ZNF254: variants seen among roughly 807,000 people sequenced by gnomAD.
The protein encoded by ZNF254 is zinc finger protein 254.
In ZNF254, 10 loss-of-function variants were observed where a neutral mutation model predicts 12.4. That is an observed-to-expected ratio of 0.80 (90% CI 0.50 to 1.36). ZNF254 has a LOEUF of 1.36. Among genes scored for constraint, ZNF254 ranks in the 40% most tolerant of loss-of-function variants. ZNF254 has a pLI of 0.00. For missense variants in ZNF254, 996 were observed against 763.9 expected (o/e 1.30, Z -3.58); for synonymous variants, 305 against 253.4 (o/e 1.20, Z -1.93).
intron 2 of ZNF254, among the ~76,000 whole-genome samples, chr19:24,056,551 C>A (rs544965795): frequency 1.3e-5 from 2 of 152,256 alleles, no homozygotes; most frequent in South Asian, 4.1e-4. Flanking sequence ...TATTGCTGGG[C>A]CCAGCAACAT....
upstream of ZNF254, among the ~76,000 whole-genome samples, chr19:24,085,787 G>A (rs1972017320): frequency 6.6e-6 from 1 of 151,304 alleles, no homozygotes; most frequent in Non-Finnish European, 1.5e-5. Context: ...AAAAAACAGT[G>A]TATAAACAAA....
intron 1 of ZNF254, chr19:24,098,392 A>G (rs1972795859): frequency 6.6e-6 from 1 of 152,234 alleles, no homozygotes; most frequent in South Asian, 2.1e-4. Flanking sequence ...CATATATTCC[A>G]TTATATTATC....
At chr19:24,106,334 C>A in intron 2 of ZNF254, 1 of 531,470 alleles carries the variant, frequency 1.9e-6, no homozygotes. Context: ...ATCCATTTGG[C>A]ATCACCAATT....
At chr19:24,034,305 C>T (rs1385750004) in intron 1 of ZNF254, among the ~76,000 whole-genome samples, 7 of 152,012 alleles carry the variant, frequency 4.6e-5, no homozygotes, top group African/African-American at 7.2e-5. Context: ...TCACAATAGC[C>T]ATGGACAGAA....
chr19:24,088,006 C>G (rs1203966223), intron 1 of ZNF254, among the ~76,000 whole-genome samples: 1 of 147,288 alleles, frequency 6.8e-6, no homozygotes, highest in African/African-American at 2.5e-5. Flanking sequence ...ACCTCCGCCT[C>G]TTGGGTTCAA....
chr19:24,127,222 T>C lies in ZNF254; in HGVS notation c.1222T>C (p.Cys408Arg), dbSNP rs1481049821. The C allele has an allele frequency of 2.5e-6, 4 of 1,613,116 alleles. No individual in the cohort carries two copies. Among genetic ancestry groups the C allele is most frequent in the Non-Finnish European group, 3.4e-6 (4 of 1,179,616 alleles). Residue 408 changes from cysteine to arginine, a missense_variant, in exon 4 of 4, where the codon TGT becomes CGT. By Grantham distance (180) the Cys-to-Arg change is radical. Transcript: ENST00000357002. ...TCATGTTGGAGAGAAACTCTACAAATGTGAAGAATGCGGCAAAGGTTTTAA... is the reference window on the plus strand; with the variant it reads ...TCATGTTGGAGAGAAACTCTACAAACGTGAAGAATGCGGCAAAGGTTTTAA... ...IIHVGEKLYK[C>R]EECGKGFNRS...
intron 3 of ZNF254, among the ~76,000 whole-genome samples, chr19:24,119,546 G>T (rs1033336967): frequency 6.6e-6 from 1 of 152,076 alleles, no homozygotes; most frequent in African/African-American, 2.4e-5. Flanking sequence ...CTGGTTTGCA[G>T]TGTTGTGATC....
chr19:24,054,067 G>A (rs1257324000), intron 2 of ZNF254, among the ~76,000 whole-genome samples: 1 of 151,848 alleles, frequency 6.6e-6, no homozygotes, highest in Non-Finnish European at 1.5e-5. Context: ...CATATCCCTG[G>A]AACCAGACAC....
intron 1 of ZNF254, among the ~76,000 whole-genome samples, chr19:24,040,174 C>T (rs1466060528): frequency 2.0e-5 from 3 of 152,140 alleles, no homozygotes; most frequent in African/African-American, 7.2e-5. Context: ...ACCCTGAAAT[C>T]TCCCCTCACA....
At chr19:24,121,306 G>A (rs73021445) in intron 3 of ZNF254, among the ~76,000 whole-genome samples, 22,803 of 151,568 alleles carry the variant, frequency 0.15, 1,755 homozygotes, top group Middle Eastern at 0.17. Flanking sequence ...ACTTGATGGT[G>A]TCTAATAAGT....
At chr19:24,051,686 C>T (rs1465235086) in intron 2 of ZNF254, among the ~76,000 whole-genome samples, 6 of 152,184 alleles carry the variant, frequency 3.9e-5, no homozygotes, top group African/African-American at 1.4e-4. Context: ...ATGCAACTCT[C>T]CTGCATGGGC....
chr19:24,127,886 C>A lies in ZNF254; in HGVS notation c.1886C>A (p.Pro629His). ...AAGAGAATTCATACTGGAGAGCAAC[C>A]CTACAAATGGGAAAAATTTGGCAAA... Reference protein sequence around the residue: ...KHKRIHTGEQPYKWEKFGKAF... With the variant: ...KHKRIHTGEQHYKWEKFGKAF... The change falls in exon 4 of 4, where the codon CCC (proline) becomes CAC (histidine). Residue 629 changes from proline to histidine, a missense_variant. Physicochemically the swap from Pro to His is moderately conservative, Grantham distance 77 (BLOSUM62 -2). Transcript: ENST00000357002. The A allele has an allele frequency of 6.2e-7, 1 of 1,612,676 alleles. No individual in the cohort carries two copies.
intron 2 of ZNF254, among the ~76,000 whole-genome samples, chr19:24,060,666 ATTC>A (rs1971032480): frequency 6.6e-6 from 1 of 152,192 alleles, no homozygotes; most frequent in African/African-American, 2.4e-5. Context: ...AAATGATTCT[ATTC>A]TTCTGCATTA....
chr19:24,069,360 G>A (rs1339546482), intron 2 of ZNF254, among the ~76,000 whole-genome samples: 1 of 146,978 alleles, frequency 6.8e-6, no homozygotes, highest in Non-Finnish European at 1.5e-5. Context: ...TGTAATCCCA[G>A]CACTTTGGGA....
At chr19:24,111,264 C>T (rs898384770) in intron 3 of ZNF254, among the ~76,000 whole-genome samples, 1 of 152,042 alleles carries the variant, frequency 6.6e-6, no homozygotes, top group Non-Finnish European at 1.5e-5. Context: ...CATCCATGTC[C>T]CTACAAAGGA....
Position 24,127,366 on chromosome 19 carries a change from C to A in ZNF254, c.1366C>A (p.His456Asn). The A allele has an allele frequency of 6.2e-7, 1 of 1,613,456 alleles. No individual in the cohort carries two copies. ...SSTLTKHKRI[H>N]TREKPYKCEE... ...AACCCTTACTAAACATAAGAGAATT[C>A]ATACTAGAGAGAAACCCTACAAATG... Residue 456 changes from histidine (H) to asparagine (N), a missense_variant, in exon 4 of 4, where the codon CAT becomes AAT. His to Asn is a moderately conservative substitution (Grantham distance 68, BLOSUM62 1). Coordinates refer to ENST00000357002, the MANE Select transcript of ZNF254 (RefSeq NM_203282.4).
intron 1 of ZNF254, among the ~76,000 whole-genome samples, chr19:24,092,798 T>A (rs1972470231): frequency 6.6e-6 from 1 of 152,254 alleles, no homozygotes. Context: ...TATGACAGAA[T>A]AATTTATATT....
chr19:24,120,342 C>T (rs1974391758), intron 3 of ZNF254, among the ~76,000 whole-genome samples: 1 of 152,114 alleles, frequency 6.6e-6, no homozygotes, highest in Admixed American at 6.5e-5. Flanking sequence ...ATGGAATTTA[C>T]ATAAAACATC....
intron 1 of ZNF254, among the ~76,000 whole-genome samples, chr19:24,097,318 G>T (rs1370387631): frequency 6.6e-6 from 1 of 152,034 alleles, no homozygotes; most frequent in Non-Finnish European, 1.5e-5. Flanking sequence ...GAATTATAAA[G>T]ATTAAAAGAT....
Sources: gnomAD v4.1 joint callset for allele counts (sites outside exome capture counted in the v4.1 genomes callset) on GRCh38, gnomAD v4.1.1 for gene constraint, MANE v1.5 for transcripts, NCBI Gene and HGNC (gene_info 2026-07-23, HGNC 2026-07-21) for gene names.